Variants in MAN1B1 observed in about 807,000 individuals in gnomAD.
MAN1B1 encodes endoplasmic reticulum mannosyl-oligosaccharide 1,2-alpha-mannosidase.
In MAN1B1, 66 loss-of-function variants were observed where a neutral mutation model predicts 75.5. The observed-to-expected ratio is 0.87, with a 90% CI of 0.72 to 1.07. The LOEUF (loss-of-function observed/expected upper bound fraction) is 1.07. Ranked by LOEUF, MAN1B1 falls within the 50% of genes least tolerant of loss-of-function variation. MAN1B1 has a pLI of 0.00. For missense variants in MAN1B1, 973 were observed against 912.5 expected, an observed-to-expected ratio of 1.07 and a Z score of -0.85; for synonymous variants, 453 against 382.8, an observed-to-expected ratio of 1.18 and a Z score of -2.14.
At chr9:137,105,523 G>C (rs1051252836) in intron 8 of MAN1B1, 1 of 251,236 alleles carries the variant, frequency 4.0e-6, no homozygotes, top group Non-Finnish European at 7.8e-6. Context: ...GCATGGGTTT[G>C]GGTGTCTGCG....
Position 137,108,449 on chromosome 9 carries a change from G to C in MAN1B1, c.1958G>C (p.Arg653Thr). Residue 653 changes from arginine to threonine, a missense_variant, in exon 13 of 13, where the codon AGG becomes ACG. Arg to Thr is a moderately conservative substitution (Grantham distance 71). Transcript: ENST00000371589. Reference protein sequence around the residue: ...NVQDPQKPEPRDKMESFFLGE... With the variant: ...NVQDPQKPEPTDKMESFFLGE... ...CAGGATCCTCAGAAGCCCGAGCCTAGGGACAAGATGGAGAGCTTCTTCCTG... is the reference window on the plus strand; with the variant it reads ...CAGGATCCTCAGAAGCCCGAGCCTACGGACAAGATGGAGAGCTTCTTCCTG... The C allele has an allele frequency of 6.2e-7, 1 of 1,613,982 alleles. No homozygotes were observed. The highest frequency in any genetic ancestry group is 8.5e-7 in the Non-Finnish European group (1 of 1,180,022).
intron 3 of MAN1B1, among the ~76,000 whole-genome samples, chr9:137,092,434 A>G (rs1830540910): frequency 6.6e-6 from 1 of 152,200 alleles, no homozygotes. Context: ...ACACGTGTGT[A>G]CGTAATTGAG....
Position 137,099,722 on chromosome 9 carries a change from G to T in MAN1B1, c.757G>T (p.Val253Leu). 2 of 1,614,222 alleles carry T rather than the reference G, an allele frequency of 1.2e-6. No homozygotes were observed. Among genetic ancestry groups the T allele is most frequent in the Non-Finnish European group, 1.7e-6 (2 of 1,180,048 alleles). ...PVHLNYRQKG[V>L]IDVFLHAWKG... ...GCATCTGAACTATCGCCAGAAGGGC[G>T]TGATTGACGTCTTCCTGCATGCATG... The change falls in exon 6 of 13, where the codon GTG (valine) becomes TTG (leucine). Residue 253 changes from valine to leucine, a missense_variant. Transcript: ENST00000371589.
chr9:137,103,075 TCA>T (rs1830933481), intron 8 of MAN1B1: 2 of 387,130 alleles, frequency 5.2e-6, no homozygotes, highest in Admixed American at 2.9e-5. Context: ...TTACACACAT[TCA>T]CACTTGCAGG....
At position 137,109,103 on chromosome 9, in the gene MAN1B1, T is replaced by C. The variant is rs1831231761; in HGVS notation, c.*512T>C. ...CCGCCCCGCAGGGGGCTTGGAGGGC[T>C]GGACGGCAAGTCCGTCTAGCTCACG... is the stretch of plus-strand genomic sequence containing the variant. On this transcript the variant is annotated 3_prime_UTR_variant, in exon 13 of 13. Coordinates refer to ENST00000371589, the MANE Select transcript of MAN1B1 (RefSeq NM_016219.5). 2 of 455,350 alleles carry C rather than the reference T, an allele frequency of 4.4e-6. No homozygotes were observed. Among genetic ancestry groups the C allele is most frequent in the Non-Finnish European group, 4.4e-6 (1 of 227,218 alleles). The allele number at this position is 455,350 out of a possible 1,614,324, so 28.2% of individuals were successfully genotyped here.
intron 5 of MAN1B1, among the ~76,000 whole-genome samples, 161 bp from the exon 6 acceptor site, chr9:137,099,535 G>A (rs1156250712): frequency 1.3e-5 from 2 of 152,242 alleles, no homozygotes; most frequent in African/African-American, 4.8e-5. Context: ...AGCCTCTGTG[G>A]CCCTGGCCTT....
chr9:137,097,934 C>A lies in MAN1B1; in HGVS notation c.727C>A (p.Pro243Thr). Residue 243 changes from proline (P) to threonine (T), a missense_variant, in exon 5 of 13, where the codon CCA becomes ACA. Transcript: ENST00000371589. ...PLPPARTQGT[P>T]VHLNYRQKGV... Reference sequence around the variant, plus strand: ...GCCACCGGCCAGGACACAGGGCACACCAGGTGAGGCCACACCTGCACCCCT... The same window carrying A: ...GCCACCGGCCAGGACACAGGGCACAACAGGTGAGGCCACACCTGCACCCCT... The A allele has an allele frequency of 6.4e-7, 1 of 1,552,900 alleles. No individual in the cohort carries two copies. Among genetic ancestry groups the A allele is most frequent in the Non-Finnish European group, 8.7e-7 (1 of 1,147,888 alleles).
At chr9:137,101,778 T>A (rs1208834663) in intron 8 of MAN1B1, 106 bp downstream of exon 8, 3 of 1,326,858 alleles carry the variant, frequency 2.3e-6, no homozygotes, top group Non-Finnish European at 3.2e-6. Flanking sequence ...TGTTTTCAGG[T>A]TTTTTACTGT....
intron 2 of MAN1B1, chr9:137,088,664 T>A: frequency 1.4e-6 from 1 of 717,024 alleles, no homozygotes; most frequent in Non-Finnish European, 2.3e-6. Flanking sequence ...TGTGGGGTTC[T>A]GTGTTATGGA....
At chr9:137,090,062 G>A (rs1438388369) in intron 3 of MAN1B1, among the ~76,000 whole-genome samples, 1 of 152,018 alleles carries the variant, frequency 6.6e-6, no homozygotes, top group African/African-American at 2.4e-5. Flanking sequence ...TTGGGGTCAG[G>A]GAGGAGGGCA....
rs1214450319 is a variant in MAN1B1 at position 137,108,335 on chromosome 9, AG to A, written c.1897-47del. ...GGAGAGCGCTTCGGTGATGAGGCTGAGGGGGGTGCAGGGTGCCCCCCGTGTG... is the reference window on the plus strand; with the variant it reads ...GGAGAGCGCTTCGGTGATGAGGCTGAGGGGGTGCAGGGTGCCCCCCGTGTG... On this transcript the variant is annotated intron_variant, in intron 12 of 12. Coordinates refer to ENST00000371589, the MANE Select transcript of MAN1B1 (RefSeq NM_016219.5). 2.0e-5 allele frequency: 29 copies of A among 1,447,978 alleles called. No homozygotes were observed. In the East Asian group the frequency reaches 3.4e-4, roughly 17 times the overall value. The allele number at this position is 1,447,978 out of a possible 1,614,324, so 89.7% of individuals were successfully genotyped here.
chr9:137,090,293 A>T (rs1310985904), intron 3 of MAN1B1, among the ~76,000 whole-genome samples: 5 of 152,092 alleles, frequency 3.3e-5, no homozygotes, highest in African/African-American at 1.2e-4. Context: ...CAGGTGTGGG[A>T]GTGCCTTGGG....
chr9:137,097,553 G>A (rs1444747296), intron 4 of MAN1B1, among the ~76,000 whole-genome samples: 4 of 152,138 alleles, frequency 2.6e-5, no homozygotes, highest in East Asian at 1.9e-4. Context: ...CCCCGCCTCC[G>A]GCCTCTGCAG....
intron 2 of MAN1B1, 118 bp from the exon 3 acceptor site, chr9:137,088,751 T>C: frequency 9.3e-7 from 1 of 1,073,768 alleles, no homozygotes; most frequent in Non-Finnish European, 1.4e-6. Flanking sequence ...TCAGTGACTA[T>C]CAGGTATCAT....
At chr9:137,096,604 A>T (rs1051721250) in intron 4 of MAN1B1, among the ~76,000 whole-genome samples, 3 of 152,238 alleles carry the variant, frequency 2.0e-5, no homozygotes, top group South Asian at 4.1e-4. Flanking sequence ...TCCTCATGGT[A>T]TGCAGTAACA....
rs141112920 is a variant in MAN1B1 at position 137,106,256 on chromosome 9, C to T, written c.1386C>T (p.Ala462=). 3.8e-4 allele frequency: 606 copies of T among 1,579,140 alleles called. 3 individuals carry two copies. The African/African-American group carries it at 7.0e-3, about 18-fold the overall frequency. The change falls in exon 9 of 13, where the codon GCC becomes GCT. Residue 462 remains alanine, a synonymous_variant. Coordinates refer to ENST00000371589, the MANE Select transcript of MAN1B1 (RefSeq NM_016219.5). Reference sequence around the variant, plus strand: ...GCGTATTCACGCTGGGCGCCAGGGCCGACAGCTACTATGAGTACCTGCTGA... The same window carrying T: ...GCGTATTCACGCTGGGCGCCAGGGCTGACAGCTACTATGAGTACCTGCTGA... ...HLGVFTLGAR[A]DSYYEYLLKQ... is the part of the protein sequence containing the mutation.
chr9:137,093,128 T>G (rs1359206273), intron 3 of MAN1B1, among the ~76,000 whole-genome samples: 10 of 152,226 alleles, frequency 6.6e-5, no homozygotes, highest in East Asian at 1.9e-4. Context: ...GGCTCACACC[T>G]GTAGTCCCAG....
intron 4 of MAN1B1, among the ~76,000 whole-genome samples, chr9:137,097,214 A>G (rs77470782): frequency 6.6e-6 from 1 of 152,346 alleles, no homozygotes; most frequent in Non-Finnish European, 1.5e-5. Context: ...TCAGCTTGTC[A>G]AAAGTGCCAC....
At chr9:137,096,177 G>A in intron 3 of MAN1B1, 60 bp from the exon 4 acceptor site, 1 of 1,594,416 alleles carries the variant, frequency 6.3e-7, no homozygotes, top group East Asian at 2.2e-5. Flanking sequence ...GTCCCATAGA[G>A]GGAAAGAAGG....
Sources: gnomAD v4.1 joint callset for allele counts (sites outside exome capture counted in the v4.1 genomes callset) on GRCh38, gnomAD v4.1.1 for gene constraint, MANE v1.5 for transcripts, NCBI Gene and HGNC (gene_info 2026-07-23, HGNC 2026-07-21) for gene names.